Variants in VIPR2 observed in about 807,000 individuals in gnomAD.
VIPR2 encodes the protein vasoactive intestinal peptide receptor 2, also known as vasoactive intestinal polypeptide receptor 2.
A neutral mutation model predicts 58.0 loss-of-function variants in VIPR2; 48 were observed. That is an observed-to-expected ratio of 0.83 (90% CI 0.66 to 1.05). The LOEUF (loss-of-function observed/expected upper bound fraction) is 1.05. VIPR2 is among the 50% of genes least tolerant of loss of function. The pLI is 0.00. For missense variants in VIPR2, 534 were observed against 558.0 expected (o/e 0.96, Z 0.43); for synonymous variants, 243 against 235.2 (o/e 1.03, Z -0.30).
rs918056457 is a variant in VIPR2, at chr7:159,127,849, G to A, written c.151+14597C>T. Among the ~76,000 whole-genome samples, 8 of 152,158 alleles carry A rather than the reference G, an allele frequency of 5.3e-5. No homozygotes were observed. The highest frequency in any genetic ancestry group is 2.1e-4 in the South Asian group (1 of 4,812). On this transcript the variant is annotated intron_variant, in intron 2 of 12. Transcript: ENST00000262178. This position sits in a 1 kb window ranked among gnomAD's most constrained non-coding sequence, Gnocchi z 4.6. ...CCACGGCTCGGATGCTGCTGGGGCC[G>A]CAGGGGCTTAGGGCTGGGGCCACGC...
chr7:159,135,455 A>G (rs1396018839), intron 2 of VIPR2, among the ~76,000 whole-genome samples: 1 of 152,086 alleles, frequency 6.6e-6, no homozygotes, highest in African/African-American at 2.4e-5. Context: ...ATAAAATAAA[A>G]ATAATATTTA....
At chr7:159,101,488 G>A (rs1227982457) in intron 4 of VIPR2, among the ~76,000 whole-genome samples, 1 of 141,618 alleles carries the variant, frequency 7.1e-6, no homozygotes, top group Non-Finnish European at 1.5e-5. Flanking sequence ...CGACAAGGCC[G>A]TTCCCCCGAC....
In VIPR2 at chr7:159,097,331, A is replaced by G. The variant is rs151309238; in HGVS notation, c.357+6426T>C. 167 of 1,199,120 alleles carry G rather than the reference A, an allele frequency of 1.4e-4. No individual in the cohort carries two copies. The East Asian group carries it at 4.4e-3, about 32-fold the overall frequency. 74.3% of individuals were successfully genotyped at this position (1,199,120 alleles called of 1,614,324 possible). A position where few individuals can be genotyped will look rare whatever the true frequency, so the allele number is the denominator to read the frequency against. On this transcript the variant is annotated intron_variant, in intron 4 of 12. Transcript: ENST00000262178. This position sits in a 1 kb window ranked among gnomAD's most constrained non-coding sequence, Gnocchi z 5.3. The stretch of plus-strand genomic sequence containing the variant: ...GAAGCATGGGGAGGCCGAAATGCCA[A>G]ACAGTTCTCTTGGCTAAATTTAGCA...
At chr7:159,048,150 A>G (rs1854763822) in intron 5 of VIPR2, among the ~76,000 whole-genome samples, 1 of 150,280 alleles carries the variant, frequency 6.7e-6, no homozygotes, top group African/African-American at 2.5e-5. Context: ...TAAATTTGAG[A>G]AACACTTTTT....
At chr7:159,037,813 G>C (rs1402227615) in intron 6 of VIPR2, among the ~76,000 whole-genome samples, 4 of 152,012 alleles carry the variant, frequency 2.6e-5, no homozygotes, top group Admixed American at 6.6e-5. Context: ...TATATAAAGT[G>C]TGCTGAAAAA....
intron 4 of VIPR2, among the ~76,000 whole-genome samples, chr7:159,081,063 A>ATG (rs2129494890): frequency 6.6e-6 from 1 of 152,350 alleles, no homozygotes; most frequent in East Asian, 1.9e-4. Flanking sequence ...TATTGATTCA[A>ATG]TGCCATCCCC....
intron 1 of VIPR2, among the ~76,000 whole-genome samples, chr7:159,142,845 T>G (rs552236108): frequency 1.2e-4 from 19 of 152,354 alleles, no homozygotes; most frequent in Non-Finnish European, 2.6e-4. Context: ...CTTTACTCCA[T>G]TCATCTCTCC....
intron 4 of VIPR2, among the ~76,000 whole-genome samples, chr7:159,101,461 A>G (rs1858230975): frequency 7.7e-6 from 1 of 129,782 alleles, no homozygotes; most frequent in Non-Finnish European, 1.5e-5. Flanking sequence ...GTGGTAGTGA[A>G]TGAGTCTCAC....
Position 159,142,429 on chromosome 7 carries a change from C to T in VIPR2, c.151+17G>A. 1 of 1,607,564 alleles carries T rather than the reference C, an allele frequency of 6.2e-7. No individual in the cohort carries two copies. Among genetic ancestry groups the T allele is most frequent in the Non-Finnish European group, 8.5e-7 (1 of 1,174,608 alleles). The stretch of plus-strand genomic sequence containing the variant: ...AGAATGTCACGGGAGTTCTTACTCA[C>T]CAAGCCTCTGCCTTACCTTTGTGTT... On this transcript the variant is annotated intron_variant, in intron 2 of 12. Coordinates refer to ENST00000262178, the MANE Select transcript of VIPR2 (RefSeq NM_003382.5).
At chr7:159,035,879 G>C in intron 8 of VIPR2, 73 bp downstream of exon 8, 1 of 1,561,620 alleles carries the variant, frequency 6.4e-7, no homozygotes, top group Non-Finnish European at 8.7e-7. Context: ...TAACCTTCTG[G>C]CTTCCAAAGG....
At chr7:159,137,728 A>G (rs1404139294) in intron 2 of VIPR2, among the ~76,000 whole-genome samples, 1 of 152,256 alleles carries the variant, frequency 6.6e-6, no homozygotes, top group Non-Finnish European at 1.5e-5. Flanking sequence ...TTATTTAAAT[A>G]TCCAAGACGA....
At chr7:159,062,386 T>C (rs868073545) in intron 4 of VIPR2, among the ~76,000 whole-genome samples, 15 of 152,136 alleles carry the variant, frequency 9.9e-5, no homozygotes, top group African/African-American at 2.9e-4. Context: ...TTAAAGGTAA[T>C]GTGTCCCCAG....
chr7:159,048,792 C>T (rs1854801204), intron 5 of VIPR2, among the ~76,000 whole-genome samples: 1 of 152,090 alleles, frequency 6.6e-6, no homozygotes. Flanking sequence ...TTTTTCAGCT[C>T]CTCTTTGGGC....
chr7:159,056,590 G>C (rs982963773), intron 5 of VIPR2, among the ~76,000 whole-genome samples: 1 of 152,110 alleles, frequency 6.6e-6, no homozygotes, highest in Non-Finnish European at 1.5e-5. Context: ...TGTTGTGAGC[G>C]TCAACACTGC....
chr7:159,046,559 A>C (rs111582701), intron 5 of VIPR2, among the ~76,000 whole-genome samples: 2,090 of 71,796 alleles, frequency 0.029, 56 homozygotes, highest in African/African-American at 0.067. Flanking sequence ...TCATGTATAG[A>C]AGGCTTCCTT....
At chr7:159,059,139 C>T (rs569870116) in intron 4 of VIPR2, 52 of 427,962 alleles carry the variant, frequency 1.2e-4, no homozygotes, top group African/African-American at 8.3e-4. Context: ...TTAATCTCCA[C>T]GAAATCATCA....
At chr7:159,133,817 C>A (rs541610748) in intron 2 of VIPR2, among the ~76,000 whole-genome samples, 1 of 152,084 alleles carries the variant, frequency 6.6e-6, no homozygotes, top group South Asian at 2.1e-4. Flanking sequence ...AGGAACTAAC[C>A]CAATGGTTTT....
chr7:159,101,319 C>T (rs1379508963), intron 4 of VIPR2, among the ~76,000 whole-genome samples: 26 of 147,696 alleles, frequency 1.8e-4, no homozygotes, highest in Non-Finnish European at 2.7e-4. Flanking sequence ...TCACGAGATC[C>T]GACGAGGCGG....
intron 3 of VIPR2, among the ~76,000 whole-genome samples, chr7:159,109,164 A>C (rs1268037370): frequency 6.6e-6 from 1 of 152,214 alleles, no homozygotes; most frequent in African/African-American, 2.4e-5. Context: ...TATTTTTCTG[A>C]ATAGATTTCT....
Sources: allele counts gnomAD v4.1 joint callset (sites outside exome capture counted in the v4.1 genomes callset), GRCh38; gene constraint gnomAD v4.1.1; non-coding constraint Gnocchi (gnomAD v3.1); transcripts MANE v1.5; gene names NCBI Gene and HGNC (gene_info 2026-07-23, HGNC 2026-07-21).